ADAMTS17: variants seen among roughly 807,000 people sequenced by gnomAD.
The protein encoded by ADAMTS17 is ADAM metallopeptidase with thrombospondin type 1 motif 17, also known as A disintegrin and metalloproteinase with thrombospondin motifs 17.
ADAMTS17 carries 113 observed loss-of-function variants against 141.5 expected under a neutral mutation model. The observed-to-expected ratio is 0.80, with a 90% CI of 0.69 to 0.93. ADAMTS17 has a LOEUF of 0.93. Among genes scored for constraint, ADAMTS17 ranks in the 40% least tolerant of loss-of-function variants. The pLI, the probability that ADAMTS17 is intolerant of heterozygous loss-of-function variation, is 0.00. For missense variants in ADAMTS17, 1,659 were observed against 1,517.9 expected, an observed-to-expected ratio of 1.09 and a Z score of -1.54; for synonymous variants, 768 against 630.6, an observed-to-expected ratio of 1.22 and a Z score of -3.27.
At chr15:100,260,827 G>C (rs1467988306) in intron 6 of ADAMTS17, among the ~76,000 whole-genome samples, 3 of 152,042 alleles carry the variant, frequency 2.0e-5, no homozygotes, top group Admixed American at 6.5e-5. Context: ...CATATTCTTA[G>C]CAACTCTAAT....
chr15:100,265,395 G>C (rs1446692860), intron 4 of ADAMTS17, among the ~76,000 whole-genome samples: 2 of 152,230 alleles, frequency 1.3e-5, no homozygotes, highest in East Asian at 1.9e-4. Flanking sequence ...GTTGGGGAGG[G>C]AACAGCGCAG....
At chr15:100,297,626 G>A (rs1009160084) in intron 3 of ADAMTS17, among the ~76,000 whole-genome samples, 1 of 152,154 alleles carries the variant, frequency 6.6e-6, no homozygotes, top group African/African-American at 2.4e-5. Context: ...ACTGGAATAG[G>A]GCCAGGTAGG....
chr15:100,220,335 G>A (rs1057309405), intron 7 of ADAMTS17, among the ~76,000 whole-genome samples: 3 of 152,018 alleles, frequency 2.0e-5, no homozygotes, highest in Admixed American at 1.3e-4. Context: ...GGTGGCAGCG[G>A]AAGCATATGC....
At chr15:100,191,012 G>C (rs1221155359) in intron 8 of ADAMTS17, among the ~76,000 whole-genome samples, 1 of 152,160 alleles carries the variant, frequency 6.6e-6, no homozygotes, top group Non-Finnish European at 1.5e-5. Flanking sequence ...ATCCCTTCCA[G>C]CTCCAAGAAC....
intron 15 of ADAMTS17, among the ~76,000 whole-genome samples, chr15:100,065,148 A>T (rs1273723698): frequency 6.6e-6 from 1 of 152,202 alleles, no homozygotes; most frequent in Non-Finnish European, 1.5e-5. Context: ...ACCAGAATTG[A>T]CCTATACCAC....
intron 20 of ADAMTS17, among the ~76,000 whole-genome samples, chr15:99,985,583 C>T (rs988158916): frequency 2.6e-5 from 4 of 152,174 alleles, no homozygotes; most frequent in African/African-American, 7.2e-5. Flanking sequence ...GACTTAATAA[C>T]GACCACATGA....
intron 2 of ADAMTS17, among the ~76,000 whole-genome samples, chr15:100,340,650 C>T (rs2046335235): frequency 6.6e-6 from 1 of 152,180 alleles, no homozygotes; most frequent in Admixed American, 6.5e-5. Context: ...CAGGTACTCC[C>T]GTGACATACA....
chr15:100,236,210 G>T (rs954014681), intron 7 of ADAMTS17, among the ~76,000 whole-genome samples: 1 of 149,312 alleles, frequency 6.7e-6, no homozygotes, highest in Non-Finnish European at 1.5e-5. Context: ...TACGATATTT[G>T]CACAAGTAAT....
chr15:100,321,180 C>T (rs2141906244), intron 3 of ADAMTS17, among the ~76,000 whole-genome samples: 1 of 152,128 alleles, frequency 6.6e-6, no homozygotes, highest in East Asian at 1.9e-4. Flanking sequence ...ATTTTTAAGG[C>T]AACAACAACA....
chr15:99,989,270 C>T (rs2060647899), intron 20 of ADAMTS17, among the ~76,000 whole-genome samples: 2 of 152,224 alleles, frequency 1.3e-5, no homozygotes, highest in African/African-American at 2.4e-5. Flanking sequence ...AAAAGGAAAG[C>T]AGTGCTAGGT....
At chr15:100,236,823 G>C (rs983935855) in intron 7 of ADAMTS17, among the ~76,000 whole-genome samples, 4 of 152,126 alleles carry the variant, frequency 2.6e-5, no homozygotes, top group Non-Finnish European at 5.9e-5. Context: ...GGGCAACAGA[G>C]TGAGACTCCT....
rs1355276143 is a variant in ADAMTS17, at chr15:99,972,884, CAG to C, written c.*1516_*1517del. On this transcript the variant is annotated 3_prime_UTR_variant, in exon 22 of 22. Coordinates refer to ENST00000268070, the MANE Select transcript of ADAMTS17 (RefSeq NM_139057.4). ...TTGTGACATGTAACAAAACAAAACA[CAG>C]AAACACAGCACCAATAAATCAAGAA... 4 of 152,196 alleles carry C rather than the reference CAG, an allele frequency of 2.6e-5. No individual in the cohort carries two copies. The highest frequency in any genetic ancestry group is 9.7e-5 in the African/African-American group (4 of 41,448). The allele number at this position is 152,196 out of a possible 1,614,324, so 9.4% of individuals were successfully genotyped here. A position where few individuals can be genotyped will look rare whatever the true frequency, so the allele number is the denominator to read the frequency against.
At chr15:100,072,181 T>A (rs2034021466) in intron 15 of ADAMTS17, among the ~76,000 whole-genome samples, 1 of 148,966 alleles carries the variant, frequency 6.7e-6, no homozygotes, top group African/African-American at 2.5e-5. Context: ...ATAAAATACC[T>A]AGGAATCCAA....
intron 8 of ADAMTS17, among the ~76,000 whole-genome samples, chr15:100,172,149 A>G (rs539433916): frequency 1.3e-5 from 2 of 152,270 alleles, no homozygotes; most frequent in South Asian, 2.1e-4. Flanking sequence ...ATCCAGCTCA[A>G]TTTCCGCAAA....
At chr15:100,252,686 G>A (rs2043190619) in intron 7 of ADAMTS17, among the ~76,000 whole-genome samples, 1 of 152,192 alleles carries the variant, frequency 6.6e-6, no homozygotes, top group Non-Finnish European at 1.5e-5. Flanking sequence ...CTCCAGGGAA[G>A]CATCCTTCAC....
intron 15 of ADAMTS17, among the ~76,000 whole-genome samples, chr15:100,089,838 T>G (rs28411178): frequency 0.51 from 37,747 of 73,910 alleles, 7,205 homozygotes; most frequent in African/African-American, 0.66. Flanking sequence ...GTTGTGGGGT[T>G]GGGGGAGGGG....
chr15:100,025,845 A>T (rs950299475), intron 18 of ADAMTS17, among the ~76,000 whole-genome samples: 30 of 151,968 alleles, frequency 2.0e-4, no homozygotes, highest in African/African-American at 6.3e-4. Flanking sequence ...TGTTTTTTAG[A>T]TGTTATTTCT....
intron 15 of ADAMTS17, among the ~76,000 whole-genome samples, chr15:100,092,658 G>A (rs540074822): frequency 4.7e-4 from 72 of 152,332 alleles, no homozygotes; most frequent in Middle Eastern, 3.4e-3. Flanking sequence ...AACCTGGCAT[G>A]TGGCAGGGGC....
intron 15 of ADAMTS17, among the ~76,000 whole-genome samples, chr15:100,068,870 C>G (rs1484741650): frequency 6.6e-6 from 1 of 152,176 alleles, no homozygotes; most frequent in Non-Finnish European, 1.5e-5. Flanking sequence ...GAACGCAGCT[C>G]CTCACCAGCA....
Sources: allele counts gnomAD v4.1 joint callset (sites outside exome capture counted in the v4.1 genomes callset), GRCh38; gene constraint gnomAD v4.1.1; transcripts MANE v1.5; gene names NCBI Gene and HGNC (gene_info 2026-07-23, HGNC 2026-07-21).